ADCY5: variants seen among roughly 807,000 people sequenced by gnomAD.
The protein encoded by ADCY5 is adenylate cyclase type 5.
ADCY5 carries 30 observed loss-of-function variants against 119.7 expected under a neutral mutation model. That is an observed-to-expected ratio of 0.25 (90% CI 0.19 to 0.34). ADCY5 has a LOEUF of 0.34. Ranked by LOEUF, ADCY5 falls within the 10% of genes least tolerant of loss-of-function variation. The pLI, the probability that ADCY5 is intolerant of heterozygous loss-of-function variation, is 1.00. For synonymous variants in ADCY5, 753 were observed against 762.2 expected (o/e 0.99, Z 0.20); for missense variants, 1,324 against 1,775.2 (o/e 0.75, Z 4.57).
At chr3:123,320,300 A>T (rs1941149058) in intron 9 of ADCY5, among the ~76,000 whole-genome samples, 1 of 152,144 alleles carries the variant, frequency 6.6e-6, no homozygotes, top group Non-Finnish European at 1.5e-5. Context: ...GGTTTCATAG[A>T]CTTGGAGTGC....
intron 3 of ADCY5, among the ~76,000 whole-genome samples, chr3:123,345,743 C>G (rs62263784): frequency 0.021 from 2,308 of 107,744 alleles, 26 homozygotes; most frequent in African/African-American, 0.045. Flanking sequence ...GAGAGACAGA[C>G]AGACAGACAG....
intron 1 of ADCY5, among the ~76,000 whole-genome samples, chr3:123,446,114 C>G (rs1199523923): frequency 1.3e-5 from 2 of 152,162 alleles, no homozygotes; most frequent in Non-Finnish European, 2.9e-5. Flanking sequence ...TGTGTGTCCC[C>G]TCCGTCCCAG....
Position 123,304,182 on chromosome 3 carries a change from A to C in ADCY5, c.2444T>G (p.Leu815Arg), listed in dbSNP as rs1325439564. 5.2e-6 allele frequency: 5 copies of C among 960,168 alleles called. No homozygotes were observed. The South Asian group carries it at 6.7e-5, about 13-fold the overall frequency. The allele number at this position is 960,168 out of a possible 1,614,324, so 59.5% of individuals were successfully genotyped here. A position where few individuals can be genotyped will look rare whatever the true frequency, so the allele number is the denominator to read the frequency against. The change falls in exon 13 of 21, where the codon CTC (leucine) becomes CGC (arginine). Residue 815 changes from leucine to arginine, a missense_variant and splice_region_variant. Around this residue, in one of 6 missense-constraint regions of ADCY5, gnomAD observed 424 missense variants for 546.8 expected, o/e 0.78. Coordinates refer to ENST00000462833, the MANE Select transcript of ADCY5 (RefSeq NM_183357.3). ...FVSVIYSCVK[L>R]FPSPLQTLSR... is the part of the protein sequence containing the mutation. ...GAGGGTCTGCAGTGGGGAGGGGAAG[A>C]GCTAGGGTGGGGGCAGGGGTGGAGA...
At chr3:123,395,221 G>A (rs983301954) in intron 1 of ADCY5, among the ~76,000 whole-genome samples, 2 of 152,202 alleles carry the variant, frequency 1.3e-5, no homozygotes, top group East Asian at 3.8e-4. Context: ...GCAATCCAGG[G>A]CCTTCAAGGC....
At chr3:123,354,853 T>C (rs1360390817) in intron 1 of ADCY5, among the ~76,000 whole-genome samples, 3 of 152,224 alleles carry the variant, frequency 2.0e-5, no homozygotes, top group Non-Finnish European at 4.4e-5. Context: ...ATTTAAAAAC[T>C]ATATGATCAT....
Position 123,283,811 on chromosome 3 carries a change from A to G in ADCY5, c.*797T>C, listed in dbSNP as rs1938540714. 1 of 152,198 alleles carries G rather than the reference A, an allele frequency of 6.6e-6. No individual in the cohort carries two copies. The highest frequency in any genetic ancestry group is 2.4e-5 in the African/African-American group (1 of 41,442). The allele number at this position is 152,198 out of a possible 1,614,324, so 9.4% of individuals were successfully genotyped here. A position where few individuals can be genotyped will look rare whatever the true frequency, so the allele number is the denominator to read the frequency against. On this transcript the variant is annotated 3_prime_UTR_variant, in exon 21 of 21. Transcript: ENST00000462833. ...TATCTGTGAGATCTCCAAGGCTTTC[A>G]ATAATACAAAATAAAAAATACAAAA...
At position 123,448,261 on chromosome 3, in the gene ADCY5, G is replaced by A. The variant is rs1237625895; in HGVS notation, c.285C>T (p.Phe95=). The A allele has an allele frequency of 2.7e-6, 4 of 1,506,518 alleles. No individual in the cohort carries two copies. The highest frequency in any genetic ancestry group is 8.8e-7 in the Non-Finnish European group (1 of 1,135,552). The allele number at this position is 1,506,518 out of a possible 1,614,324, so 93.3% of individuals were successfully genotyped here. A position where few individuals can be genotyped will look rare whatever the true frequency, so the allele number is the denominator to read the frequency against. The part of the protein sequence containing the change: ...GDDPLAGGFG[F]SFRSKSAWQE... ...GCCAGGCGGACTTGGAGCGGAAGCT[G>A]AAGCCGAAGCCCCCGGCCAGGGGGT... Residue 95 remains phenylalanine (F), a synonymous_variant, in exon 1 of 21, where the codon TTC becomes TTT. Coordinates refer to ENST00000462833, the MANE Select transcript of ADCY5 (RefSeq NM_183357.3).
chr3:123,349,977 C>G (rs1390648620), intron 2 of ADCY5, among the ~76,000 whole-genome samples: 2 of 152,240 alleles, frequency 1.3e-5, no homozygotes, highest in African/African-American at 4.8e-5. Context: ...GTTTCCGTGA[C>G]CTGACTCCTC....
intron 1 of ADCY5, among the ~76,000 whole-genome samples, chr3:123,393,800 G>A (rs1441459410): frequency 2.1e-5 from 2 of 96,920 alleles, no homozygotes; most frequent in Non-Finnish European, 4.0e-5. Context: ...CTCCCGCCCC[G>A]GCTGCTGAGG....
At chr3:123,427,246 C>T (rs1317318575) in intron 1 of ADCY5, among the ~76,000 whole-genome samples, 1 of 152,188 alleles carries the variant, frequency 6.6e-6, no homozygotes, top group African/African-American at 2.4e-5. Context: ...CACCTCCATG[C>T]CCTAACACTA....
intron 1 of ADCY5, among the ~76,000 whole-genome samples, chr3:123,399,865 G>A (rs534082240): frequency 6.6e-6 from 1 of 152,302 alleles, no homozygotes; most frequent in Non-Finnish European, 1.5e-5. Flanking sequence ...TAACGACCCT[G>A]TGGAACATGC....
At chr3:123,311,435 G>A (rs776920084) in intron 12 of ADCY5, among the ~76,000 whole-genome samples, 9 of 152,214 alleles carry the variant, frequency 5.9e-5, no homozygotes, top group South Asian at 2.1e-4. Flanking sequence ...GCACATGGCA[G>A]GAGGTAGAGC....
At chr3:123,313,188 T>A (rs1940688956) in intron 12 of ADCY5, among the ~76,000 whole-genome samples, 1 of 152,100 alleles carries the variant, frequency 6.6e-6, no homozygotes, top group African/African-American at 2.4e-5. Context: ...CCACACCAGG[T>A]GATTCCTAAG....
chr3:123,447,338 G>A (rs1308051438), intron 1 of ADCY5, 74 bp downstream of exon 1: 11 of 1,384,664 alleles, frequency 7.9e-6, no homozygotes, highest in Non-Finnish European at 8.6e-6. Context: ...GTGAGGGTGG[G>A]ATCCCTTTCT....
At chr3:123,401,752 C>T (rs1485944048) in intron 1 of ADCY5, among the ~76,000 whole-genome samples, 1 of 152,174 alleles carries the variant, frequency 6.6e-6, no homozygotes, top group Non-Finnish European at 1.5e-5. Flanking sequence ...TGGCTGTTCT[C>T]TGAGACCTCT....
At chr3:123,360,816 AATAT>A (rs1943222255) in intron 1 of ADCY5, among the ~76,000 whole-genome samples, 1 of 152,210 alleles carries the variant, frequency 6.6e-6, no homozygotes. Flanking sequence ...TGGGTACAGC[AATAT>A]ATAGTCTGCA....
At chr3:123,402,446 C>T (rs944498037) in intron 1 of ADCY5, among the ~76,000 whole-genome samples, 4 of 152,210 alleles carry the variant, frequency 2.6e-5, no homozygotes, top group Admixed American at 1.3e-4. Context: ...TTGACAATGC[C>T]GGCAGGATGC....
intron 10 of ADCY5, among the ~76,000 whole-genome samples, chr3:123,318,912 G>C (rs944616148): frequency 6.6e-6 from 1 of 152,194 alleles, no homozygotes; most frequent in African/African-American, 2.4e-5. Context: ...AAATGCAACA[G>C]AGAGATCTTG....
chr3:123,386,869 A>C (rs899121541), intron 1 of ADCY5, among the ~76,000 whole-genome samples: 4 of 152,200 alleles, frequency 2.6e-5, no homozygotes, highest in Admixed American at 2.0e-4. Flanking sequence ...CAAGGTCTTA[A>C]GCCCGTCAGC....
Sources: allele counts gnomAD v4.1 joint callset (sites outside exome capture counted in the v4.1 genomes callset), GRCh38; gene constraint gnomAD v4.1.1; regional missense constraint gnomAD v4.1.1; transcripts MANE v1.5; gene names NCBI Gene and HGNC (gene_info 2026-07-23, HGNC 2026-07-21).